ERC2: variants seen among roughly 807,000 people sequenced by gnomAD.
The protein encoded by ERC2 is ERC protein 2.
In ERC2, 42 loss-of-function variants were observed where a neutral mutation model predicts 114.8. The ratio of observed to expected loss-of-function variants is 0.37; its 90% CI spans 0.29 to 0.47. ERC2 has a LOEUF of 0.47. Among genes scored for constraint, ERC2 ranks in the 20% least tolerant of loss-of-function variants. The pLI is 0.99. For synonymous variants in ERC2, 454 were observed against 425.5 expected, an observed-to-expected ratio of 1.07 and a Z score of -0.82; for missense variants, 939 against 1,150.7, an observed-to-expected ratio of 0.82 and a Z score of 2.66.
At chr3:56,256,773 A>G (rs1173568180) in intron 3 of ERC2, among the ~76,000 whole-genome samples, 1 of 152,056 alleles carries the variant, frequency 6.6e-6, no homozygotes, top group African/African-American at 2.4e-5. Flanking sequence ...ATGAGATCTG[A>G]TGGTTTTATA....
In ERC2 at chr3:56,187,434, G is replaced by A. The variant is rs116376247; in HGVS notation, c.1075-13914C>T. On this transcript the variant is annotated intron_variant, in intron 3 of 17. Transcript: ENST00000288221. ...TATCTGAACCAGCATGGAGTAAATA[G>A]GGTAGGACTCCATTATTTTTGTTTT... is the stretch of plus-strand genomic sequence containing the variant. Among the ~76,000 whole-genome samples the A allele has an allele frequency of 8.1e-3, 1,232 of 152,274 alleles. 9 individuals carry two copies. The highest frequency in any genetic ancestry group is 0.013 in the Non-Finnish European group (908 of 68,010).
At chr3:56,313,290 C>T (rs2056705815) in intron 2 of ERC2, among the ~76,000 whole-genome samples, 1 of 151,590 alleles carries the variant, frequency 6.6e-6, no homozygotes, top group Admixed American at 6.6e-5. Context: ...GGTTTCACTA[C>T]TCTGTGAATA....
At position 55,563,150 on chromosome 3, in the gene ERC2, G is replaced by A. The variant is rs555136507; in HGVS notation, c.*40-51874C>T. Among the ~76,000 whole-genome samples the A allele has an allele frequency of 2.0e-5, 3 of 152,266 alleles. No individual in the cohort carries two copies. In the South Asian group the frequency reaches 6.2e-4, roughly 32 times the overall value. ...GAGACTGTACACATATGAAGAGGATGAAGGTGCTGTTTGGAAGGCTGAGCT... is the reference window on the plus strand; with the variant it reads ...GAGACTGTACACATATGAAGAGGATAAAGGTGCTGTTTGGAAGGCTGAGCT... On this transcript the variant is annotated intron_variant, in intron 17 of 17. Transcript: ENST00000288221.
At chr3:56,079,434 C>T (rs2077125272) in intron 7 of ERC2, among the ~76,000 whole-genome samples, 1 of 152,114 alleles carries the variant, frequency 6.6e-6, no homozygotes, top group Admixed American at 6.5e-5. Flanking sequence ...GACAGCATGC[C>T]TCATGTGTCT....
At chr3:55,885,533 G>T (rs1489321853) in intron 14 of ERC2, among the ~76,000 whole-genome samples, 1 of 152,146 alleles carries the variant, frequency 6.6e-6, no homozygotes, top group East Asian at 1.9e-4. Flanking sequence ...CAGGAATTTT[G>T]TATTTATTTT....
intron 13 of ERC2, among the ~76,000 whole-genome samples, chr3:55,928,488 A>T (rs2065881356): frequency 6.6e-6 from 1 of 151,954 alleles, no homozygotes; most frequent in African/African-American, 2.4e-5. Context: ...GAGTTGTTAG[A>T]GCTCCTTATA....
Position 55,510,597 on chromosome 3 carries a change from A to G in ERC2, c.*719T>C, listed in dbSNP as rs561066302. On this transcript the variant is annotated 3_prime_UTR_variant, in exon 18 of 18. Transcript: ENST00000288221. The stretch of plus-strand genomic sequence containing the variant: ...ATAAGGCGATTTCTTGGCAAGCATT[A>G]GTGGTTTAAAAAATTGATTTCTTTT... 5.9e-5 allele frequency: 9 copies of G among 152,778 alleles called. No individual in the cohort carries two copies. The East Asian group carries it at 1.2e-3, about 20-fold the overall frequency. 9.5% of individuals were successfully genotyped at this position (152,778 alleles called of 1,614,324 possible).
chr3:56,300,347 A>G (rs2150367285), intron 2 of ERC2, among the ~76,000 whole-genome samples: 1 of 152,296 alleles, frequency 6.6e-6, no homozygotes, highest in Non-Finnish European at 1.5e-5. Context: ...GTGGACAAGT[A>G]AACCAATAGA....
intron 3 of ERC2, among the ~76,000 whole-genome samples, chr3:56,184,806 T>C (rs2083490287): frequency 6.6e-6 from 1 of 152,200 alleles, no homozygotes; most frequent in Non-Finnish European, 1.5e-5. Context: ...TCATTTTGAA[T>C]GACATGCTAT....
chr3:56,215,437 A>G (rs2049393279), intron 3 of ERC2, among the ~76,000 whole-genome samples: 1 of 152,254 alleles, frequency 6.6e-6, no homozygotes, highest in Admixed American at 6.5e-5. Flanking sequence ...CAACAAGAAG[A>G]GCTATCTATC....
intron 12 of ERC2, among the ~76,000 whole-genome samples, chr3:55,960,860 C>A (rs192014960): frequency 6.6e-6 from 1 of 152,266 alleles, no homozygotes; most frequent in African/African-American, 2.4e-5. Context: ...GTTGGCCGGG[C>A]ATGGTGGCTC....
At chr3:56,059,891 TTA>T (rs1157839513) in intron 7 of ERC2, among the ~76,000 whole-genome samples, 1 of 152,146 alleles carries the variant, frequency 6.6e-6, no homozygotes, top group Non-Finnish European at 1.5e-5. Context: ...CCAGTAGAGG[TTA>T]TATTGACTTT....
At position 55,654,541 on chromosome 3, in the gene ERC2, A is replaced by T. The variant is rs905502877; in HGVS notation, c.*39+29253T>A. The stretch of plus-strand genomic sequence containing the variant: ...AAAACAATTTGAACCACTCTGCAGA[A>T]AACGGTTGCAGAGTTGCCACTGGAG... On this transcript the variant is annotated intron_variant, in intron 17 of 17. Coordinates refer to ENST00000288221, the MANE Select transcript of ERC2 (RefSeq NM_015576.3). 2.0e-5 allele frequency among the ~76,000 whole-genome samples: 3 copies of T among 152,280 alleles called. 1 individual carries two copies. The South Asian group carries it at 6.2e-4, about 32-fold the overall frequency.
At chr3:56,318,808 T>C (rs868432945) in intron 2 of ERC2, among the ~76,000 whole-genome samples, 1 of 151,334 alleles carries the variant, frequency 6.6e-6, no homozygotes. Context: ...AAAGAGGGTC[T>C]GGATGCAGTG....
intron 14 of ERC2, among the ~76,000 whole-genome samples, chr3:55,781,343 C>A (rs1441996649): frequency 6.6e-6 from 1 of 152,146 alleles, no homozygotes; most frequent in Non-Finnish European, 1.5e-5. Flanking sequence ...GCCCTGAAAC[C>A]ACAGGCCCTG....
chr3:55,547,578 T>G (rs2054847311), intron 17 of ERC2, among the ~76,000 whole-genome samples: 2 of 152,178 alleles, frequency 1.3e-5, no homozygotes, highest in Admixed American at 1.3e-4. Flanking sequence ...AGATGAACGC[T>G]TCCTCCGTGG....
chr3:56,345,753 T>G (rs2058282501), intron 2 of ERC2, among the ~76,000 whole-genome samples: 1 of 152,194 alleles, frequency 6.6e-6, no homozygotes, highest in East Asian at 1.9e-4. Flanking sequence ...TCCGCTGTCT[T>G]GGATAACCTA....
At chr3:55,881,748 C>A (rs1356004613) in intron 14 of ERC2, among the ~76,000 whole-genome samples, 2 of 152,070 alleles carry the variant, frequency 1.3e-5, no homozygotes, top group African/African-American at 2.4e-5. Flanking sequence ...TAAAATCAAA[C>A]ATAAAATGAT....
chr3:56,186,708 T>C (rs2150058340), intron 3 of ERC2, among the ~76,000 whole-genome samples: 1 of 152,182 alleles, frequency 6.6e-6, no homozygotes, highest in East Asian at 1.9e-4. Flanking sequence ...CTGGCTAATT[T>C]TTGTATTTTT....
Sources: gnomAD v4.1 joint callset for allele counts (sites outside exome capture counted in the v4.1 genomes callset) on GRCh38, gnomAD v4.1.1 for gene constraint, MANE v1.5 for transcripts, NCBI Gene and HGNC (gene_info 2026-07-23, HGNC 2026-07-21) for gene names.